The following SNX29 variants were observed in gnomAD, a reference collection of about 807,000 sequenced individuals.
The protein encoded by SNX29 is sorting nexin 29.
Under a neutral mutation model 102.1 loss-of-function variants are expected in SNX29, and 78 were observed. The observed-to-expected ratio is 0.76, with a 90% CI of 0.64 to 0.92. The LOEUF (loss-of-function observed/expected upper bound fraction) is 0.92, where lower values mean the gene tolerates loss of function less well. Ranked by LOEUF, SNX29 falls within the 40% of genes least tolerant of loss-of-function variation. The pLI is 0.00. For synonymous variants in SNX29, 580 were observed against 414.5 expected (o/e 1.40, Z -4.85); for missense variants, 1,280 against 1,061.7 (o/e 1.21, Z -2.86).
chr16:12,125,836 T>A (rs555507734), intron 11 of SNX29, among the ~76,000 whole-genome samples: 2 of 152,120 alleles, frequency 1.3e-5, no homozygotes, highest in East Asian at 3.9e-4. Context: ...AACAGTTTTT[T>A]CCTCCTAGAA....
At chr16:12,213,012 G>A (rs113031323) in intron 14 of SNX29, among the ~76,000 whole-genome samples, 1 of 152,198 alleles carries the variant, frequency 6.6e-6, no homozygotes, top group Non-Finnish European at 1.5e-5. Context: ...TACTCGGGAG[G>A]CTGAGGCAGG....
At chr16:12,561,054 G>A (rs1598060017) in intron 20 of SNX29, 1 of 223,928 alleles carries the variant, frequency 4.5e-6, no homozygotes, top group Non-Finnish European at 8.9e-6. Flanking sequence ...CCAAGAGGTA[G>A]GAGGTAAAGG....
At chr16:12,033,761 C>T (rs1596648705) in intron 4 of SNX29, among the ~76,000 whole-genome samples, 1 of 152,202 alleles carries the variant, frequency 6.6e-6, no homozygotes, top group East Asian at 1.9e-4. Context: ...TGCACATCAC[C>T]ATGCCTGGTT....
intron 19 of SNX29, among the ~76,000 whole-genome samples, chr16:12,497,367 C>CA (rs2088882639): frequency 6.6e-6 from 1 of 152,196 alleles, no homozygotes; most frequent in South Asian, 2.1e-4. Context: ...TCAGAGAGTT[C>CA]ACAGTCTCAT....
At chr16:12,275,487 C>T (rs1180585871) in intron 14 of SNX29, among the ~76,000 whole-genome samples, 1 of 152,200 alleles carries the variant, frequency 6.6e-6, no homozygotes, top group Non-Finnish European at 1.5e-5. Flanking sequence ...GCTTTCTAGT[C>T]CTGTGTTCAC....
chr16:12,018,163 T>C (rs2056905836), intron 3 of SNX29, among the ~76,000 whole-genome samples: 3 of 152,200 alleles, frequency 2.0e-5, no homozygotes. Flanking sequence ...ATTGATGTTT[T>C]GAGTTTAATA....
At chr16:12,286,204 A>G (rs545940839) in intron 15 of SNX29, among the ~76,000 whole-genome samples, 5 of 151,880 alleles carry the variant, frequency 3.3e-5, no homozygotes, top group South Asian at 2.1e-4. Context: ...CTTACCTCAT[A>G]TAGTTTGATT....
intron 20 of SNX29, among the ~76,000 whole-genome samples, chr16:12,563,792 G>C (rs991300905): frequency 3.3e-5 from 5 of 149,668 alleles, no homozygotes; most frequent in African/African-American, 1.2e-4. Context: ...TCTGAAGACT[G>C]CAACACCCAC....
intron 14 of SNX29, among the ~76,000 whole-genome samples, chr16:12,230,290 T>G (rs1043432001): frequency 2.0e-5 from 3 of 152,258 alleles, no homozygotes; most frequent in African/African-American, 7.2e-5. Context: ...ACTTCCCGTT[T>G]GGGCAAAGAG....
chr16:12,186,319 G>A (rs571444920), intron 13 of SNX29, among the ~76,000 whole-genome samples: 36 of 152,232 alleles, frequency 2.4e-4, no homozygotes, highest in African/African-American at 7.0e-4. Context: ...CCTGCAGAGC[G>A]ACTAGTTAAT....
chr16:12,549,631 T>A (rs2077839188), intron 20 of SNX29, among the ~76,000 whole-genome samples: 1 of 152,206 alleles, frequency 6.6e-6, no homozygotes, highest in African/African-American at 2.4e-5. Flanking sequence ...ACACGCTCTG[T>A]AAAGAGCATA....
intron 15 of SNX29, among the ~76,000 whole-genome samples, chr16:12,321,672 G>A (rs1443740926): frequency 6.6e-6 from 1 of 152,178 alleles, no homozygotes; most frequent in African/African-American, 2.4e-5. Context: ...GAGTGAGTGT[G>A]TAAGTGGGCC....
chr16:12,543,378 C>T (rs1016481895), intron 20 of SNX29, among the ~76,000 whole-genome samples: 8 of 152,116 alleles, frequency 5.3e-5, no homozygotes, highest in Admixed American at 3.9e-4. Flanking sequence ...ATGGACTGAA[C>T]ATGATTATCC....
rs762055712 is a variant in SNX29, at chr16:12,569,696, G to C, written c.*1067G>C. On this transcript the variant is annotated 3_prime_UTR_variant, in exon 21 of 21. Transcript: ENST00000566228. ...TCTCAGAGTACAGGGACCTTGGCAGGTGGAGAGGAGGATGGGGACCAGCAG... is the reference window on the plus strand; with the variant it reads ...TCTCAGAGTACAGGGACCTTGGCAGCTGGAGAGGAGGATGGGGACCAGCAG... 2 of 230,260 alleles carry C rather than the reference G, an allele frequency of 8.7e-6. No homozygotes were observed. Among genetic ancestry groups the C allele is most frequent in the Non-Finnish European group, 1.7e-5 (2 of 116,302 alleles). 14.3% of individuals were successfully genotyped at this position (230,260 alleles called of 1,614,324 possible).
chr16:12,263,417 C>T (rs560426488), intron 14 of SNX29, among the ~76,000 whole-genome samples: 16 of 152,272 alleles, frequency 1.1e-4, no homozygotes, highest in African/African-American at 2.6e-4. Flanking sequence ...TGTGAGCCAC[C>T]GTGCCTGGCC....
intron 17 of SNX29, among the ~76,000 whole-genome samples, chr16:12,401,893 G>T (rs889741174): frequency 6.6e-6 from 1 of 152,194 alleles, no homozygotes; most frequent in African/African-American, 2.4e-5. Context: ...ATACAGTGTG[G>T]TCAATGCACT....
intron 14 of SNX29, among the ~76,000 whole-genome samples, chr16:12,251,536 C>G (rs921324598): frequency 5.9e-5 from 9 of 152,072 alleles, no homozygotes; most frequent in Non-Finnish European, 1.2e-4. Flanking sequence ...AACCCCGTCT[C>G]TACTACAAAT....
intron 13 of SNX29, among the ~76,000 whole-genome samples, chr16:12,167,151 C>T (rs1480144240): frequency 1.3e-5 from 2 of 152,254 alleles, no homozygotes; most frequent in African/African-American, 4.8e-5. Context: ...CTGGCCATCT[C>T]ATAGCTGGTG....
intron 19 of SNX29, among the ~76,000 whole-genome samples, chr16:12,494,296 G>A (rs975247309): frequency 6.6e-6 from 1 of 152,096 alleles, no homozygotes; most frequent in African/African-American, 2.4e-5. Context: ...CCTGGCCCCC[G>A]TTCCCTTTGC....
Sources: gnomAD v4.1 joint callset for allele counts (sites outside exome capture counted in the v4.1 genomes callset) on GRCh38, gnomAD v4.1.1 for gene constraint, MANE v1.5 for transcripts, NCBI Gene and HGNC (gene_info 2026-07-23, HGNC 2026-07-21) for gene names.